CAMK2D: variants seen among roughly 807,000 people sequenced by gnomAD.
The protein encoded by CAMK2D is calcium/calmodulin-dependent protein kinase type II subunit delta.
CAMK2D carries 37 observed loss-of-function variants against 84.0 expected under a neutral mutation model. That is an observed-to-expected ratio of 0.44 (90% CI 0.34 to 0.58). The LOEUF is 0.58. CAMK2D is among the 20% of genes least tolerant of loss of function. The pLI, the probability that CAMK2D is intolerant of heterozygous loss-of-function variation, is 0.02. For synonymous variants in CAMK2D, 202 were observed against 212.5 expected (o/e 0.95, Z 0.43); for missense variants, 448 against 652.5 (o/e 0.69, Z 3.41).
intron 3 of CAMK2D, among the ~76,000 whole-genome samples, chr4:113,637,421 A>G (rs904610151): frequency 2.6e-5 from 4 of 152,234 alleles, no homozygotes; most frequent in Non-Finnish European, 1.5e-5. Context: ...AAAATAAAAT[A>G]TATCAAATGG....
intron 4 of CAMK2D, among the ~76,000 whole-genome samples, chr4:113,580,915 G>T (rs2098805182): frequency 8.1e-6 from 1 of 123,796 alleles, no homozygotes. Context: ...ATGGAATGTG[G>T]GGTAGGGTGG....
chr4:113,542,860 ATCTCTCTCTT>A (rs916356821), intron 6 of CAMK2D, among the ~76,000 whole-genome samples: 2 of 151,980 alleles, frequency 1.3e-5, no homozygotes, highest in African/African-American at 4.8e-5. Flanking sequence ...CTTCATTAAA[ATCTCTCTCTT>A]TCTCTCTCTC....
At chr4:113,583,784 G>A (rs2098821838) in intron 4 of CAMK2D, among the ~76,000 whole-genome samples, 1 of 152,114 alleles carries the variant, frequency 6.6e-6, no homozygotes, top group South Asian at 2.1e-4. Flanking sequence ...ACACACACAT[G>A]TAATTTTTTT....
intron 8 of CAMK2D, among the ~76,000 whole-genome samples, chr4:113,519,115 G>A (rs1213333683): frequency 6.6e-6 from 1 of 152,136 alleles, no homozygotes; most frequent in Non-Finnish European, 1.5e-5. Context: ...AAAAAAAGCT[G>A]TACCTGAGTA....
chr4:113,756,224 G>A (rs1481463735), intron 2 of CAMK2D, among the ~76,000 whole-genome samples: 1 of 151,980 alleles, frequency 6.6e-6, no homozygotes. Flanking sequence ...AGTTGGATGT[G>A]CAAATTTATG....
chr4:113,526,414 ATGTGTGTGTGTG>A (rs35503858), intron 8 of CAMK2D, among the ~76,000 whole-genome samples: 2 of 149,568 alleles, frequency 1.3e-5, no homozygotes, highest in Non-Finnish European at 3.0e-5. Context: ...GTCATTCTTG[ATGTGTGTGTGTG>A]TGTGTGTGTG....
At chr4:113,479,061 T>C (rs1004839075) in intron 16 of CAMK2D, among the ~76,000 whole-genome samples, 4 of 152,196 alleles carry the variant, frequency 2.6e-5, no homozygotes, top group Non-Finnish European at 5.9e-5. Context: ...CTGTACACAG[T>C]CAATTCAAAA....
intron 16 of CAMK2D, among the ~76,000 whole-genome samples, chr4:113,493,039 T>G (rs2154140985): frequency 8.0e-6 from 1 of 124,996 alleles, no homozygotes; most frequent in Non-Finnish European, 1.6e-5. Context: ...TGTGTGTCTC[T>G]GCACGTGAGA....
rs533893839 is a variant in CAMK2D, at chr4:113,543,123, T to C, written c.414+4521A>G. On this transcript the variant is annotated intron_variant, in intron 6 of 20. Transcript: ENST00000511664. The stretch of plus-strand genomic sequence containing the variant: ...TACTACCTTGTTTCAAACACAGTTA[T>C]TTGAAAAAGCATAGCTTTATAACTA... Among the ~76,000 whole-genome samples, 12 of 152,348 alleles carry C rather than the reference T, an allele frequency of 7.9e-5. No homozygotes were observed. The South Asian group carries it at 2.3e-3, about 29-fold the overall frequency.
chr4:113,720,258 C>A, intron 2 of CAMK2D, among the ~76,000 whole-genome samples: 1 of 152,094 alleles, frequency 6.6e-6, no homozygotes, highest in Middle Eastern at 3.4e-3. Flanking sequence ...TGATTAACAA[C>A]TCAGTAGTAG....
At chr4:113,584,848 T>C (rs1228041125) in intron 4 of CAMK2D, among the ~76,000 whole-genome samples, 1 of 152,192 alleles carries the variant, frequency 6.6e-6, no homozygotes, top group Non-Finnish European at 1.5e-5. Flanking sequence ...ATGATGCCTA[T>C]CTTTTATCTT....
intron 3 of CAMK2D, among the ~76,000 whole-genome samples, chr4:113,657,953 C>G (rs901553677): frequency 6.6e-6 from 1 of 152,118 alleles, no homozygotes; most frequent in African/African-American, 2.4e-5. Flanking sequence ...ACTTAGATAT[C>G]ATATTACCTA....
intron 6 of CAMK2D, among the ~76,000 whole-genome samples, chr4:113,540,581 T>C (rs1486107176): frequency 6.6e-6 from 1 of 152,188 alleles, no homozygotes; most frequent in African/African-American, 2.4e-5. Context: ...CTGGAGCTAA[T>C]TAATTAGTTC....
At chr4:113,664,939 C>T (rs28714329) in intron 2 of CAMK2D, among the ~76,000 whole-genome samples, 18 of 151,950 alleles carry the variant, frequency 1.2e-4, no homozygotes, top group Non-Finnish European at 2.4e-4. Flanking sequence ...AAGTAGCTGG[C>T]ATTGCAGGCA....
At chr4:113,665,144 T>C (rs114151093) in intron 2 of CAMK2D, among the ~76,000 whole-genome samples, 210 of 152,320 alleles carry the variant, frequency 1.4e-3, no homozygotes, top group African/African-American at 3.8e-3. Flanking sequence ...GGGCTTTCTC[T>C]TGAAAAGCAG....
intron 3 of CAMK2D, among the ~76,000 whole-genome samples, chr4:113,623,895 A>AT (rs1438930493): frequency 6.6e-6 from 1 of 152,112 alleles, no homozygotes; most frequent in Non-Finnish European, 1.5e-5. Context: ...CTCACCCTCA[A>AT]GGAGCTTCTC....
At chr4:113,480,734 G>C (rs982763913) in intron 16 of CAMK2D, among the ~76,000 whole-genome samples, 3 of 152,052 alleles carry the variant, frequency 2.0e-5, no homozygotes, top group African/African-American at 7.2e-5. Context: ...CCAGCTACTC[G>C]GGAGTCTGAG....
intron 16 of CAMK2D, among the ~76,000 whole-genome samples, chr4:113,483,538 T>A (rs531681656): frequency 6.6e-6 from 1 of 152,078 alleles, no homozygotes; most frequent in African/African-American, 2.4e-5. Flanking sequence ...CCTGAGTAGC[T>A]GGGATTACAA....
At chr4:113,482,653 A>G (rs1315552306) in intron 16 of CAMK2D, among the ~76,000 whole-genome samples, 1 of 152,238 alleles carries the variant, frequency 6.6e-6, no homozygotes, top group Non-Finnish European at 1.5e-5. Flanking sequence ...AAATAGTTGT[A>G]TAGAGAGGTT....
Sources: allele counts gnomAD v4.1 joint callset (sites outside exome capture counted in the v4.1 genomes callset), GRCh38; gene constraint gnomAD v4.1.1; transcripts MANE v1.5; gene names NCBI Gene and HGNC (gene_info 2026-07-23, HGNC 2026-07-21).